Variants in SNX29 observed in about 807,000 individuals in gnomAD.
SNX29 encodes the protein sorting nexin 29.
A neutral mutation model predicts 102.1 loss-of-function variants in SNX29; 78 were observed. That is an observed-to-expected ratio of 0.76 (90% confidence interval 0.64 to 0.92). The LOEUF (loss-of-function observed/expected upper bound fraction) is 0.92. Among genes scored for constraint, SNX29 ranks in the 40% least tolerant of loss-of-function variants. The pLI is 0.00. For missense variants in SNX29, 1,280 were observed against 1,061.7 expected (o/e 1.21, Z -2.86); for synonymous variants, 580 against 414.5 (o/e 1.40, Z -4.85).
chr16:12,061,095 G>T (rs1483648354), intron 8 of SNX29, among the ~76,000 whole-genome samples: 1 of 152,172 alleles, frequency 6.6e-6, no homozygotes, highest in African/African-American at 2.4e-5. Flanking sequence ...GGTGGCTTGG[G>T]CTTCCTCCAG....
Position 12,254,531 on chromosome 16 carries a change from C to T in SNX29, c.1679-23402C>T, listed in dbSNP as rs1167747646. Among the ~76,000 whole-genome samples the T allele has an allele frequency of 5.9e-5, 9 of 152,116 alleles. No individual in the cohort carries two copies. In the East Asian group the frequency reaches 1.5e-3, roughly 26 times the overall value. ...TGGTGCGCACCTGTAATCCCAGCTA[C>T]TCGGGAGGCTAAGGCAGGAGAATCG... On this transcript the variant is annotated intron_variant, in intron 14 of 20. Coordinates refer to ENST00000566228, the MANE Select transcript of SNX29 (RefSeq NM_032167.5).
At chr16:12,412,789 G>A (rs2084456446) in intron 18 of SNX29, among the ~76,000 whole-genome samples, 2 of 152,196 alleles carry the variant, frequency 1.3e-5, no homozygotes, top group African/African-American at 4.8e-5. Flanking sequence ...CCTCTTGGCA[G>A]GTGAACTGTC....
intron 13 of SNX29, among the ~76,000 whole-genome samples, chr16:12,168,870 G>A (rs774413318): frequency 3.3e-5 from 5 of 152,192 alleles, no homozygotes; most frequent in Admixed American, 6.5e-5. Context: ...TTTGCATGCC[G>A]GTTTCTTCTT....
chr16:12,313,683 A>G (rs2080639176), intron 15 of SNX29, among the ~76,000 whole-genome samples: 4 of 152,202 alleles, frequency 2.6e-5, no homozygotes, highest in Admixed American at 2.0e-4. Context: ...AGGGCAGGGA[A>G]GTCTCAGTTC....
intron 17 of SNX29, among the ~76,000 whole-genome samples, chr16:12,400,235 G>T (rs12324983): frequency 1.3e-5 from 2 of 152,124 alleles, no homozygotes; most frequent in African/African-American, 4.8e-5. Flanking sequence ...CTCTGGCTTC[G>T]TTCCCAGCCT....
At chr16:12,560,050 T>C (rs1032813657) in intron 20 of SNX29, among the ~76,000 whole-genome samples, 1 of 151,802 alleles carries the variant, frequency 6.6e-6, no homozygotes, top group Admixed American at 6.6e-5. Flanking sequence ...CAAAGAAAAA[T>C]GACTAGAAAA....
chr16:12,003,956 G>A (rs901386340), intron 3 of SNX29, among the ~76,000 whole-genome samples: 1 of 152,084 alleles, frequency 6.6e-6, no homozygotes, highest in Non-Finnish European at 1.5e-5. Context: ...GAAAATTAAG[G>A]GTTTAGGAGG....
chr16:12,476,269 G>A lies in SNX29; in HGVS notation c.2038-1450G>A, dbSNP rs1418346058. Among the ~76,000 whole-genome samples the A allele has an allele frequency of 5.1e-4, 72 of 140,162 alleles. 1 individual carries two copies. The highest frequency in any genetic ancestry group is 1.4e-4 in the Non-Finnish European group (9 of 65,390). The allele number at this position is 140,162 out of a possible 152,430, so 92.0% of individuals were successfully genotyped here. On this transcript the variant is annotated intron_variant, in intron 18 of 20. Transcript: ENST00000566228. ...CTTGGAGGTGGAGGTTGCTGAGATC[G>A]TGCCACTGCCCTCCAGCCTGGGCAA...
intron 2 of SNX29, among the ~76,000 whole-genome samples, 178 bp from the exon 3 acceptor site, chr16:12,002,813 G>A (rs2056334273): frequency 6.6e-6 from 1 of 152,186 alleles, no homozygotes; most frequent in East Asian, 1.9e-4. Context: ...CAAGGCTGGG[G>A]TGCGCACCTT....
At chr16:11,998,729 T>G (rs1165138673) in intron 1 of SNX29, among the ~76,000 whole-genome samples, 1 of 152,220 alleles carries the variant, frequency 6.6e-6, no homozygotes, top group African/African-American at 2.4e-5. Context: ...CACTTCTGCT[T>G]TCTTCTCATT....
At chr16:12,566,243 CAA>C (rs2079001026) in intron 20 of SNX29, among the ~76,000 whole-genome samples, 1 of 152,206 alleles carries the variant, frequency 6.6e-6, no homozygotes, top group Non-Finnish European at 1.5e-5. Context: ...AAATGACAGA[CAA>C]GGAAACCAAG....
intron 20 of SNX29, among the ~76,000 whole-genome samples, chr16:12,532,982 T>C (rs921181398): frequency 6.6e-6 from 1 of 152,180 alleles, no homozygotes; most frequent in Non-Finnish European, 1.5e-5. Context: ...AGCACGGCTG[T>C]GGTGGCATCC....
chr16:12,547,909 C>G (rs537321063), intron 20 of SNX29, among the ~76,000 whole-genome samples: 8 of 152,112 alleles, frequency 5.3e-5, no homozygotes, highest in African/African-American at 1.7e-4. Flanking sequence ...AGGAGCTGCT[C>G]TTAGGGGTTC....
intron 9 of SNX29, among the ~76,000 whole-genome samples, chr16:12,067,788 C>G (rs946279107): frequency 6.6e-6 from 1 of 152,140 alleles, no homozygotes; most frequent in Non-Finnish European, 1.5e-5. Flanking sequence ...GCGCCTGGCC[C>G]AAGAAGTTTC....
intron 3 of SNX29, among the ~76,000 whole-genome samples, chr16:12,005,115 T>C (rs1306493993): frequency 6.6e-6 from 1 of 152,226 alleles, no homozygotes; most frequent in Non-Finnish European, 1.5e-5. Flanking sequence ...CCATTTATTT[T>C]TAAAATTTTA....
intron 3 of SNX29, among the ~76,000 whole-genome samples, chr16:12,006,260 A>G (rs1412298492): frequency 6.6e-6 from 1 of 151,788 alleles, no homozygotes; most frequent in Non-Finnish European, 1.5e-5. Context: ...TCACGCCTGT[A>G]ATCCCAGCAC....
intron 15 of SNX29, among the ~76,000 whole-genome samples, chr16:12,309,572 T>C (rs1341250768): frequency 6.6e-6 from 1 of 152,174 alleles, no homozygotes; most frequent in Non-Finnish European, 1.5e-5. Flanking sequence ...GAGACTGACT[T>C]GTTCACCATG....
intron 15 of SNX29, among the ~76,000 whole-genome samples, chr16:12,314,339 A>T (rs994913836): frequency 6.6e-6 from 1 of 152,246 alleles, no homozygotes; most frequent in South Asian, 2.1e-4. Context: ...TGGTCTGCAG[A>T]TGTAACATAT....
intron 9 of SNX29, among the ~76,000 whole-genome samples, chr16:12,066,630 G>C (rs1354444448): frequency 6.6e-6 from 1 of 152,102 alleles, no homozygotes; most frequent in Non-Finnish European, 1.5e-5. Context: ...AGAGGGCCTT[G>C]GGGCCATGAT....
Sources: allele counts gnomAD v4.1 joint callset (sites outside exome capture counted in the v4.1 genomes callset), GRCh38; gene constraint gnomAD v4.1.1; transcripts MANE v1.5; gene names NCBI Gene and HGNC (gene_info 2026-07-23, HGNC 2026-07-21).